The following TMTC2 variants were observed in gnomAD, a reference collection of about 807,000 sequenced individuals.
TMTC2 encodes transmembrane O-mannosyltransferase targeting cadherins 2, also known as protein O-mannosyl-transferase TMTC2.
A neutral mutation model predicts 82.4 loss-of-function variants in TMTC2; 43 were observed. That is an observed-to-expected ratio of 0.52 (90% CI 0.41 to 0.67). The LOEUF is 0.67. TMTC2 is among the 30% of genes least tolerant of loss of function. The probability of loss-of-function intolerance (pLI) is 0.00; values close to 1 mark genes in which losing one functional copy is unlikely to be tolerated. For synonymous variants in TMTC2, 408 were observed against 381.9 expected (o/e 1.07, Z -0.80); for missense variants, 919 against 1,012.4 (o/e 0.91, Z 1.25).
rs766855893 is a variant in TMTC2, at chr12:82,968,834, T to G, written c.1948+1837T>G. Among the ~76,000 whole-genome samples, 13 of 152,266 alleles carry G rather than the reference T, an allele frequency of 8.5e-5. No individual in the cohort carries two copies. In the South Asian group the frequency reaches 1.5e-3, roughly 17 times the overall value. ...GGTTATTGCTTAATCTTTTGTCTCATTTTCCATTAGAGAAGGAGATGGTTG... is the reference window on the plus strand; with the variant it reads ...GGTTATTGCTTAATCTTTTGTCTCAGTTTCCATTAGAGAAGGAGATGGTTG... On this transcript the variant is annotated intron_variant, in intron 7 of 11. Coordinates refer to ENST00000321196, the MANE Select transcript of TMTC2 (RefSeq NM_152588.3).
intron 1 of TMTC2, among the ~76,000 whole-genome samples, chr12:82,742,731 C>T (rs1428345523): frequency 1.3e-5 from 2 of 151,910 alleles, no homozygotes; most frequent in Non-Finnish European, 2.9e-5. Context: ...ACCATGTTGC[C>T]CAGGCTGGTC....
intron 1 of TMTC2, among the ~76,000 whole-genome samples, chr12:82,766,580 A>AT (rs1876973523): frequency 6.6e-6 from 1 of 152,126 alleles, no homozygotes; most frequent in African/African-American, 2.4e-5. Flanking sequence ...CCATAGTTGC[A>AT]TTTTTTAGCC....
chr12:82,837,700 A>G (rs1044733512), intron 1 of TMTC2, among the ~76,000 whole-genome samples: 25 of 152,316 alleles, frequency 1.6e-4, no homozygotes, highest in African/African-American at 6.0e-4. Context: ...ATGTTGCACT[A>G]ATTTTGCATC....
intron 11 of TMTC2, among the ~76,000 whole-genome samples, chr12:83,104,642 G>C (rs372387033): frequency 1.3e-5 from 2 of 152,296 alleles, no homozygotes; most frequent in African/African-American, 4.8e-5. Context: ...CCTGGGCAAG[G>C]CTCTTGAACC....
At chr12:82,968,375 A>G (rs866469983) in intron 7 of TMTC2, among the ~76,000 whole-genome samples, 20 of 152,218 alleles carry the variant, frequency 1.3e-4, no homozygotes, top group African/African-American at 4.6e-4. Flanking sequence ...ATACATGTCC[A>G]TAAAGCATGC....
At chr12:82,806,609 A>C (rs1042746996) in intron 1 of TMTC2, among the ~76,000 whole-genome samples, 2 of 152,186 alleles carry the variant, frequency 1.3e-5, no homozygotes, top group African/African-American at 4.8e-5. Context: ...TATACGCCTT[A>C]CCAATAAGTT....
intron 1 of TMTC2, among the ~76,000 whole-genome samples, chr12:82,855,853 A>G (rs1340258750): frequency 6.6e-6 from 1 of 152,226 alleles, no homozygotes; most frequent in East Asian, 1.9e-4. Flanking sequence ...AATGAAATTT[A>G]CTTTCAAATA....
At chr12:82,920,072 A>G (rs1036140729) in intron 3 of TMTC2, among the ~76,000 whole-genome samples, 12 of 152,274 alleles carry the variant, frequency 7.9e-5, no homozygotes, top group East Asian at 3.9e-4. Flanking sequence ...TCAATTTTCT[A>G]TATTAGTCTG....
intron 8 of TMTC2, among the ~76,000 whole-genome samples, chr12:83,002,872 T>C (rs567799847): frequency 6.6e-6 from 1 of 152,202 alleles, no homozygotes; most frequent in Non-Finnish European, 1.5e-5. Flanking sequence ...GAAGATTATA[T>C]ATTCTGTGGT....
At chr12:82,704,594 G>A (rs1299191137) in intron 1 of TMTC2, among the ~76,000 whole-genome samples, 1 of 151,732 alleles carries the variant, frequency 6.6e-6, no homozygotes, top group East Asian at 1.9e-4. Flanking sequence ...AAACTGGAAT[G>A]GTAGTCTCTT....
chr12:82,915,427 C>G (rs1874945130), intron 3 of TMTC2, among the ~76,000 whole-genome samples: 1 of 152,154 alleles, frequency 6.6e-6, no homozygotes, highest in African/African-American at 2.4e-5. Flanking sequence ...CCAAATCTAA[C>G]TGGTAACAGG....
intron 8 of TMTC2, among the ~76,000 whole-genome samples, chr12:82,987,488 C>G (rs1294923015): frequency 1.3e-5 from 2 of 150,516 alleles, no homozygotes; most frequent in African/African-American, 4.9e-5. Flanking sequence ...AGAAAACATC[C>G]CACTAAAAAT....
At chr12:82,836,548 A>G (rs12303023) in intron 1 of TMTC2, among the ~76,000 whole-genome samples, 10,942 of 152,148 alleles carry the variant, frequency 0.072, 1,314 homozygotes, top group African/African-American at 0.25. Flanking sequence ...CGGAAAAGGC[A>G]AGGAACTAGA....
intron 1 of TMTC2, among the ~76,000 whole-genome samples, chr12:82,817,939 C>G (rs1424147268): frequency 6.6e-6 from 1 of 152,020 alleles, no homozygotes; most frequent in Non-Finnish European, 1.5e-5. Context: ...TTTCTATCTC[C>G]TCTATCTTGG....
At chr12:82,760,873 T>G (rs1256939648) in intron 1 of TMTC2, 2 of 407,560 alleles carry the variant, frequency 4.9e-6, no homozygotes, top group Admixed American at 5.2e-5. Flanking sequence ...CACCCCCAGA[T>G]GGAACCATCT....
At chr12:82,959,044 G>A (rs1257830217) in intron 4 of TMTC2, among the ~76,000 whole-genome samples, 1 of 152,080 alleles carries the variant, frequency 6.6e-6, no homozygotes, top group Non-Finnish European at 1.5e-5. Context: ...TATTCAAGCT[G>A]AGAGGGAAAT....
intron 8 of TMTC2, among the ~76,000 whole-genome samples, chr12:82,995,170 G>T (rs574595835): frequency 2.0e-5 from 3 of 151,888 alleles, no homozygotes; most frequent in Non-Finnish European, 4.4e-5. Flanking sequence ...TTTGAGTATC[G>T]CTCCTTGTTA....
intron 1 of TMTC2, among the ~76,000 whole-genome samples, chr12:82,775,469 AG>A (rs1366282105): frequency 6.6e-6 from 1 of 151,792 alleles, no homozygotes; most frequent in Non-Finnish European, 1.5e-5. Flanking sequence ...GGGCGGGGAG[AG>A]AAAAAGAGAA....
intron 9 of TMTC2, among the ~76,000 whole-genome samples, chr12:83,048,535 A>G (rs948759871): frequency 8.5e-5 from 13 of 152,202 alleles, no homozygotes; most frequent in African/African-American, 3.1e-4. Context: ...AGTGATCTCC[A>G]AGTCTTAGTC....
Sources: allele counts gnomAD v4.1 joint callset (sites outside exome capture counted in the v4.1 genomes callset), GRCh38; gene constraint gnomAD v4.1.1; transcripts MANE v1.5; gene names NCBI Gene and HGNC (gene_info 2026-07-23, HGNC 2026-07-21).